The following AFG3L2 variants were observed in gnomAD, a reference collection of about 807,000 sequenced individuals.
AFG3L2 encodes the protein AFG3 like matrix AAA peptidase subunit 2.
Under a neutral mutation model 94.5 loss-of-function variants are expected in AFG3L2, and 54 were observed. The ratio of observed to expected loss-of-function variants is 0.57; its 90% CI spans 0.46 to 0.72. The LOEUF is 0.72. Ranked by LOEUF, AFG3L2 falls within the 30% of genes least tolerant of loss-of-function variation. The probability of loss-of-function intolerance (pLI) is 0.00; values close to 1 mark genes in which losing one functional copy is unlikely to be tolerated. For synonymous variants in AFG3L2, 377 were observed against 365.5 expected (o/e 1.03, Z -0.36); for missense variants, 754 against 994.9 (o/e 0.76, Z 3.26).
At chr18:12,375,844 T>C (rs1909138507) in intron 1 of AFG3L2, among the ~76,000 whole-genome samples, 1 of 150,756 alleles carries the variant, frequency 6.6e-6, no homozygotes, top group Non-Finnish European at 1.5e-5. Context: ...CCAGAAACTT[T>C]TTAAAAATCA....
At position 12,356,812 on chromosome 18, in the gene AFG3L2, G is replaced by A. The variant is rs141642080; in HGVS notation, c.1046C>T (p.Pro349Leu). The change falls in exon 9 of 17, where the codon CCT (proline) becomes CTT (leucine). Residue 349 changes from proline to leucine, a missense_variant. Pro to Leu is a moderately conservative substitution (Grantham distance 98, BLOSUM62 -3). Transcript: ENST00000269143. ...KIPKGAILTGPPGTGKTLLAK... is the reference protein window; with the variant it reads ...KIPKGAILTGLPGTGKTLLAK... ...TAGCAGCGTCTTCCCAGTGCCTGGAGGACCAGTGAGAATGGCACCCTTCAG... is the reference window on the plus strand; with the variant it reads ...TAGCAGCGTCTTCCCAGTGCCTGGAAGACCAGTGAGAATGGCACCCTTCAG... 7.4e-6 allele frequency: 12 copies of A among 1,614,030 alleles called. No individual in the cohort carries two copies. Among genetic ancestry groups the A allele is most frequent in the Non-Finnish European group, 1.0e-5 (12 of 1,180,034 alleles).
At chr18:12,333,368 T>C (rs1293147269) in intron 16 of AFG3L2, among the ~76,000 whole-genome samples, 8 of 135,238 alleles carry the variant, frequency 5.9e-5, no homozygotes, top group East Asian at 2.0e-4. Flanking sequence ...ATATATATTT[T>C]TTCCCCCTGA....
chr18:12,370,565 C>T (rs1214447002), intron 3 of AFG3L2, among the ~76,000 whole-genome samples: 1 of 148,336 alleles, frequency 6.7e-6, no homozygotes, highest in Non-Finnish European at 1.5e-5. Context: ...TCAGGTGATT[C>T]TCCCACCTCA....
chr18:12,346,721 T>C (rs1908148258), intron 13 of AFG3L2, among the ~76,000 whole-genome samples: 1 of 152,050 alleles, frequency 6.6e-6, no homozygotes, highest in African/African-American at 2.4e-5. Flanking sequence ...CTGGCCAACA[T>C]GGTGAAACCC....
chr18:12,366,813 T>C lies in AFG3L2; in HGVS notation c.552+152A>G, dbSNP rs1460343913. The C allele has an allele frequency of 3.7e-6, 4 of 1,074,888 alleles. No individual in the cohort carries two copies. The East Asian group carries it at 9.8e-5, about 26-fold the overall frequency. The allele number at this position is 1,074,888 out of a possible 1,614,324, so 66.6% of individuals were successfully genotyped here. ...CAGGTCAAAACACGGGTTCTCTAGTTGCAGTACTTCTCAGCATTAGAAAAA... is the reference window on the plus strand; with the variant it reads ...CAGGTCAAAACACGGGTTCTCTAGTCGCAGTACTTCTCAGCATTAGAAAAA... On this transcript the variant is annotated intron_variant, in intron 5 of 16. Coordinates refer to ENST00000269143, the MANE Select transcript of AFG3L2 (RefSeq NM_006796.3).
rs149958684 is a variant in AFG3L2, at chr18:12,332,697, A to C, written c.2176-2914T>G. Among the ~76,000 whole-genome samples the C allele has an allele frequency of 1.7e-3, 248 of 149,308 alleles. 2 individuals carry two copies. The highest frequency in any genetic ancestry group is 5.5e-3 in the African/African-American group (225 of 40,936). On this transcript the variant is annotated intron_variant, in intron 16 of 16. Coordinates refer to ENST00000269143, the MANE Select transcript of AFG3L2 (RefSeq NM_006796.3). The stretch of plus-strand genomic sequence containing the variant: ...ATATATATATATATTTTTTGTCTAT[A>C]TCTCTAAAAGATTAGGATTGTTTAG...
At chr18:12,375,389 A>C (rs963863365) in intron 1 of AFG3L2, among the ~76,000 whole-genome samples, 1 of 149,864 alleles carries the variant, frequency 6.7e-6, no homozygotes, top group East Asian at 2.0e-4. Context: ...GACTATAGTC[A>C]TAAGTCACTG....
chr18:12,341,869 G>A (rs1907963271), intron 14 of AFG3L2: 2 of 151,678 alleles, frequency 1.3e-5, no homozygotes, highest in South Asian at 4.2e-4. Context: ...TTTGTTTTTG[G>A]CAGAGCTTCA....
At chr18:12,376,406 G>C (rs1598842751) in intron 1 of AFG3L2, among the ~76,000 whole-genome samples, 1 of 152,226 alleles carries the variant, frequency 6.6e-6, no homozygotes. Flanking sequence ...TACCAACAGA[G>C]AAAGAGCCTC....
intron 6 of AFG3L2, among the ~76,000 whole-genome samples, chr18:12,361,377 A>T (rs776108468): frequency 6.6e-6 from 1 of 152,132 alleles, no homozygotes; most frequent in Admixed American, 6.6e-5. Flanking sequence ...GGCCGGGTGC[A>T]GTGGCTCACG....
intron 13 of AFG3L2, among the ~76,000 whole-genome samples, chr18:12,346,982 C>T (rs907016118): frequency 4.9e-5 from 7 of 143,814 alleles, no homozygotes; most frequent in African/African-American, 1.8e-4. Context: ...ACTAAAAGTA[C>T]AAAAATTAGC....
In AFG3L2 at chr18:12,376,433, C is replaced by G. The variant is rs188255073; in HGVS notation, c.114+536G>C. On this transcript the variant is annotated intron_variant, in intron 1 of 16. Transcript: ENST00000269143. ...AAGAGCCTCCTGCTGAGAGCAGGCC[C>G]TGATATGCAACGAACACAGAGTCCC... Among the ~76,000 whole-genome samples the G allele has an allele frequency of 3.5e-4, 53 of 152,302 alleles. No individual in the cohort carries two copies. In the East Asian group the frequency reaches 9.8e-3, roughly 28 times the overall value.
intron 1 of AFG3L2, among the ~76,000 whole-genome samples, chr18:12,374,036 C>T (rs976098298): frequency 6.6e-6 from 1 of 152,192 alleles, no homozygotes; most frequent in Admixed American, 6.5e-5. Flanking sequence ...TAGTACAGAA[C>T]AGGGCACTGT....
intron 16 of AFG3L2, among the ~76,000 whole-genome samples, chr18:12,331,808 AATATATATATATATATATATAT>A (rs35558132): frequency 7.5e-5 from 11 of 146,422 alleles, no homozygotes; most frequent in African/African-American, 2.9e-4. Flanking sequence ...TAAATAAATA[AATATATATATATATATATATAT>A]ATATATATAT....
At chr18:12,346,473 AT>A (rs1461942507) in intron 13 of AFG3L2, among the ~76,000 whole-genome samples, 2 of 151,632 alleles carry the variant, frequency 1.3e-5, no homozygotes, top group Admixed American at 6.6e-5. Flanking sequence ...GTCTGTCCTC[AT>A]TTTTTTTACG....
intron 16 of AFG3L2, chr18:12,337,068 A>C (rs1225685119): frequency 5.0e-6 from 3 of 603,820 alleles, no homozygotes; most frequent in Non-Finnish European, 5.9e-6. Context: ...GAGAGTCCTG[A>C]TTTGTTTACT....
intron 2 of AFG3L2, among the ~76,000 whole-genome samples, chr18:12,371,315 CAAAA>C (rs1275446956): frequency 1.5e-5 from 1 of 66,430 alleles, no homozygotes; most frequent in East Asian, 3.8e-4. Context: ...ACTCAGTCTC[CAAAA>C]AAAAAAAAAA....
chr18:12,334,433 T>G (rs542443461), intron 16 of AFG3L2, among the ~76,000 whole-genome samples: 3 of 152,336 alleles, frequency 2.0e-5, no homozygotes, highest in Non-Finnish European at 4.4e-5. Context: ...GACTGGGCTC[T>G]TCTGCATTCC....
At chr18:12,334,318 G>C (rs979243543) in intron 16 of AFG3L2, among the ~76,000 whole-genome samples, 1 of 152,192 alleles carries the variant, frequency 6.6e-6, no homozygotes, top group African/African-American at 2.4e-5. Context: ...GTTGTGCAGC[G>C]TGAGTCGTGT....
Sources: allele counts gnomAD v4.1 joint callset (sites outside exome capture counted in the v4.1 genomes callset), GRCh38; gene constraint gnomAD v4.1.1; transcripts MANE v1.5; gene names NCBI Gene and HGNC (gene_info 2026-07-23, HGNC 2026-07-21).